REDIC1: variants seen among roughly 807,000 people sequenced by gnomAD.
REDIC1 encodes the protein HEI10 Interacting Protein 1.
At chr12:39,627,272 C>T in the REDIC1 span, among the ~76,000 whole-genome samples, 1 of 152,112 alleles carries the variant, frequency 6.6e-6, no homozygotes. Context: ...AGAAATTTAC[C>T]TGAATTACTT....
chr12:39,814,542 C>A, the REDIC1 span, among the ~76,000 whole-genome samples: 1 of 152,034 alleles, frequency 6.6e-6, no homozygotes, highest in Non-Finnish European at 1.5e-5. Context: ...AAAGTTCTTA[C>A]AAACTGAAGA....
chr12:39,668,888 T>A, the REDIC1 span, among the ~76,000 whole-genome samples: 4 of 152,238 alleles, frequency 2.6e-5, no homozygotes, highest in African/African-American at 9.6e-5. Context: ...TTCTCATGCC[T>A]TTGTTTTCAG....
At chr12:39,764,935 T>C in the REDIC1 span, 7 of 1,500,838 alleles carry the variant, frequency 4.7e-6, no homozygotes, top group African/African-American at 1.4e-5. Context: ...ATCATATTTA[T>C]GTATTTGGAA....
the REDIC1 span, among the ~76,000 whole-genome samples, chr12:39,803,244 C>T: frequency 6.6e-6 from 1 of 150,532 alleles, no homozygotes; most frequent in Non-Finnish European, 1.5e-5. Context: ...GACAAGCTCT[C>T]AACAGAGGCT....
At chr12:39,896,316 GTATGTA>G in the REDIC1 span, among the ~76,000 whole-genome samples, 4 of 123,888 alleles carry the variant, frequency 3.2e-5, no homozygotes, top group South Asian at 5.7e-4. Context: ...ATACATATAT[GTATGTA>G]TATGTGTATA....
chr12:39,760,349 C>A, the REDIC1 span: 1 of 1,095,638 alleles, frequency 9.1e-7, no homozygotes, highest in South Asian at 1.6e-5. Flanking sequence ...TCTGGTCAGT[C>A]ATGCATAATC....
At chr12:39,723,900 T>C in the REDIC1 span, among the ~76,000 whole-genome samples, 3 of 152,116 alleles carry the variant, frequency 2.0e-5, no homozygotes, top group Non-Finnish European at 4.4e-5. Context: ...TTGCAATTTG[T>C]TTATAATTTC....
chr12:39,674,499 G>T, the REDIC1 span, among the ~76,000 whole-genome samples: 1 of 152,070 alleles, frequency 6.6e-6, no homozygotes, highest in Admixed American at 6.6e-5. Flanking sequence ...AAAACCAAAA[G>T]AATTCAAAGA....
the REDIC1 span, among the ~76,000 whole-genome samples, chr12:39,865,641 G>A: frequency 6.6e-6 from 1 of 152,116 alleles, no homozygotes; most frequent in African/African-American, 2.4e-5. Context: ...GAGGGTAAAC[G>A]AAAAGGGTCA....
chr12:39,673,375 A>T, the REDIC1 span, among the ~76,000 whole-genome samples: 1 of 152,318 alleles, frequency 6.6e-6, no homozygotes, highest in African/African-American at 2.4e-5. Flanking sequence ...GAGATCCTGA[A>T]ATTCATTCTT....
the REDIC1 span, among the ~76,000 whole-genome samples, chr12:39,712,889 A>G: frequency 1.8e-3 from 261 of 145,134 alleles, no homozygotes; most frequent in African/African-American, 5.9e-3. Flanking sequence ...ATATACATAT[A>G]TGCATATACG....
the REDIC1 span, among the ~76,000 whole-genome samples, chr12:39,777,468 A>G: frequency 6.6e-6 from 1 of 152,192 alleles, no homozygotes; most frequent in Non-Finnish European, 1.5e-5. Context: ...GGGAAGTGCT[A>G]GGTAGAGGAG....
the REDIC1 span, chr12:39,756,545 T>C: frequency 1.3e-5 from 2 of 151,976 alleles, no homozygotes; most frequent in South Asian, 4.1e-4. Context: ...ACAGTATTTA[T>C]GAACTGTATT....
chr12:39,646,249 A>C, the REDIC1 span: 1 of 415,730 alleles, frequency 2.4e-6, no homozygotes, highest in Non-Finnish European at 4.0e-6. Flanking sequence ...TGTTTATGTA[A>C]TGAACATGAT....
the REDIC1 span, among the ~76,000 whole-genome samples, chr12:39,803,147 T>G: frequency 2.6e-5 from 4 of 151,346 alleles, no homozygotes; most frequent in Admixed American, 6.6e-5. Flanking sequence ...GTTCCCTTAT[T>G]CTAGGGACCA....
chr12:39,650,133 T>A, the REDIC1 span: 1 of 1,180,256 alleles, frequency 8.5e-7, no homozygotes, highest in South Asian at 2.7e-5. This position sits in a 1 kb window ranked among gnomAD's most constrained non-coding sequence, Gnocchi z 4.3. Flanking sequence ...TTTACAATTT[T>A]AAAATATAAA....
the REDIC1 span, among the ~76,000 whole-genome samples, chr12:39,851,797 A>T: frequency 6.6e-6 from 1 of 152,220 alleles, no homozygotes; most frequent in Non-Finnish European, 1.5e-5. Flanking sequence ...GTACTCCTAC[A>T]TGGTTTAAAA....
the REDIC1 span, among the ~76,000 whole-genome samples, chr12:39,668,726 C>A: frequency 1.3e-5 from 2 of 152,088 alleles, no homozygotes; most frequent in African/African-American, 4.8e-5. Context: ...TCACATAGTC[C>A]CATATTTCTT....
At chr12:39,669,539 C>G in the REDIC1 span, among the ~76,000 whole-genome samples, 2 of 152,230 alleles carry the variant, frequency 1.3e-5, no homozygotes, top group African/African-American at 4.8e-5. Flanking sequence ...ATTCTGAGAT[C>G]TCCAGCTGCG....
Sources: gnomAD v4.1 joint callset for allele counts (sites outside exome capture counted in the v4.1 genomes callset) on GRCh38, gnomAD v4.1.1 for gene constraint, Gnocchi (gnomAD v3.1) non-coding constraint, MANE v1.5 for transcripts, NCBI Gene and HGNC (gene_info 2026-07-23, HGNC 2026-07-21) for gene names.